The following GRIN2B variants were observed in gnomAD, a reference collection of about 807,000 sequenced individuals.
GRIN2B encodes the protein glutamate ionotropic receptor NMDA type subunit 2B.
In GRIN2B, 5 loss-of-function variants were observed where a neutral mutation model predicts 114.5. That is an observed-to-expected ratio of 0.04 (90% CI 0.02 to 0.09). GRIN2B has a LOEUF of 0.09. GRIN2B is among the 10% of genes least tolerant of loss of function. The pLI, the probability that GRIN2B is intolerant of heterozygous loss-of-function variation, is 1.00. For synonymous variants in GRIN2B, 787 were observed against 745.1 expected (o/e 1.06, Z -0.92); for missense variants, 1,108 against 1,943.5 (o/e 0.57, Z 8.08).
At chr12:13,863,465 T>A (rs1355544447) in intron 3 of GRIN2B, among the ~76,000 whole-genome samples, 1 of 152,236 alleles carries the variant, frequency 6.6e-6, no homozygotes. Context: ...CAACCAATGT[T>A]AAAATCCTGG....
intron 2 of GRIN2B, among the ~76,000 whole-genome samples, chr12:13,881,203 C>CT (rs549119273): frequency 2.0e-3 from 308 of 152,318 alleles, no homozygotes; most frequent in Non-Finnish European, 3.4e-3. Context: ...CCACTTGCCG[C>CT]TTTTTTTCTG....
chr12:13,977,042 A>G (rs764762369), intron 2 of GRIN2B, among the ~76,000 whole-genome samples: 32 of 152,200 alleles, frequency 2.1e-4, no homozygotes, highest in Admixed American at 5.9e-4. Flanking sequence ...AACCAAGAAC[A>G]CAAAATCAAG....
chr12:13,824,129 AG>A (rs1864988142), intron 3 of GRIN2B, among the ~76,000 whole-genome samples: 1 of 152,142 alleles, frequency 6.6e-6, no homozygotes, highest in African/African-American at 2.4e-5. Flanking sequence ...TGGTAGGAAA[AG>A]AATACTGATA....
At chr12:13,862,668 AC>A (rs1250467756) in intron 3 of GRIN2B, among the ~76,000 whole-genome samples, 2 of 152,196 alleles carry the variant, frequency 1.3e-5, no homozygotes, top group African/African-American at 2.4e-5. Context: ...TATTAAAAAA[AC>A]AAAACAAAAC....
intron 3 of GRIN2B, among the ~76,000 whole-genome samples, chr12:13,861,483 A>G (rs556068375): frequency 6.6e-6 from 1 of 152,364 alleles, no homozygotes; most frequent in South Asian, 2.1e-4. Context: ...CAATTATAAC[A>G]AGGCAAAATA....
At chr12:13,825,530 G>GTGTGTGTGTGTGTA (rs1302451300) in intron 3 of GRIN2B, among the ~76,000 whole-genome samples, 346 of 146,322 alleles carry the variant, frequency 2.4e-3, no homozygotes, top group Non-Finnish European at 3.7e-3. Flanking sequence ...GTGTGTGTGT[G>GTGTGTGTGTGTGTA]TGTATGATGG....
rs957733664 is a variant in GRIN2B, at chr12:13,563,658, G to A, written c.3580C>T (p.Pro1194Ser). ...GDKHGVVSGVPAPWEKNLTNV... is the reference protein window; with the variant it reads ...GDKHGVVSGVSAPWEKNLTNV... ...GTCAGGTTCTTCTCCCAAGGTGCAG[G>A]TACCCCGCTGACCACGCCGTGTTTG... The change falls in exon 14 of 14, where the codon CCT becomes TCT. Residue 1194 changes from proline to serine, a missense_variant. Pro to Ser is a moderately conservative substitution (Grantham distance 74). Around this residue, in one of 19 missense-constraint regions of GRIN2B, gnomAD observed 478 missense variants for 506.0 expected, o/e 0.94. Coordinates refer to ENST00000609686, the MANE Select transcript of GRIN2B (RefSeq NM_000834.5). The A allele has an allele frequency of 1.2e-6, 2 of 1,613,668 alleles. No homozygotes were observed. The highest frequency in any genetic ancestry group is 1.1e-5 in the South Asian group (1 of 91,078).
At chr12:13,704,154 CA>C (rs1950337908) in intron 4 of GRIN2B, among the ~76,000 whole-genome samples, 1 of 152,102 alleles carries the variant, frequency 6.6e-6, no homozygotes, top group Non-Finnish European at 1.5e-5. Context: ...TCAAAGTCAT[CA>C]ATTAGGAAAA....
At chr12:13,854,780 T>C (rs1865630777) in intron 3 of GRIN2B, among the ~76,000 whole-genome samples, 1 of 152,042 alleles carries the variant, frequency 6.6e-6, no homozygotes, top group African/African-American at 2.4e-5. Flanking sequence ...CTGTTGATGG[T>C]TTGTGTTTCT....
chr12:13,766,737 T>C (rs367895435), intron 3 of GRIN2B, among the ~76,000 whole-genome samples: 6 of 152,348 alleles, frequency 3.9e-5, no homozygotes, highest in East Asian at 3.9e-4. Context: ...GATTGCAAAT[T>C]GATTTTGTTA....
chr12:13,883,031 T>C (rs1019471478), intron 2 of GRIN2B, among the ~76,000 whole-genome samples: 3 of 152,220 alleles, frequency 2.0e-5, no homozygotes, highest in Non-Finnish European at 4.4e-5. Flanking sequence ...TGTCTGACTT[T>C]CTTCACCTGA....
Position 13,548,489 on chromosome 12 carries a change from C to G in GRIN2B, c.*14294G>C, listed in dbSNP as rs982409837. 8 of 151,992 alleles carry G rather than the reference C, an allele frequency of 5.3e-5. No homozygotes were observed. The East Asian group carries it at 1.4e-3, about 26-fold the overall frequency. 9.4% of individuals were successfully genotyped at this position (151,992 alleles called of 1,614,324 possible). ...CCTGCTATTTTCCCACCTCCCCCCC[C>G]CGATGAATATAGGTGTAGCAGAAGA... On this transcript the variant is annotated 3_prime_UTR_variant, in exon 14 of 14. Coordinates refer to ENST00000609686, the MANE Select transcript of GRIN2B (RefSeq NM_000834.5).
intron 10 of GRIN2B, among the ~76,000 whole-genome samples, chr12:13,587,072 T>C (rs1001253698): frequency 3.9e-5 from 6 of 152,106 alleles, no homozygotes; most frequent in Admixed American, 3.9e-4. Flanking sequence ...GAAGAGACAA[T>C]TAAATATTAT....
chr12:13,894,751 A>T (rs1591607767), intron 2 of GRIN2B, among the ~76,000 whole-genome samples: 1 of 152,194 alleles, frequency 6.6e-6, no homozygotes, highest in African/African-American at 2.4e-5. Context: ...AGAGAAACAG[A>T]TTAATGGAGA....
intron 12 of GRIN2B, among the ~76,000 whole-genome samples, chr12:13,569,362 T>C (rs1316519789): frequency 6.6e-6 from 1 of 152,166 alleles, no homozygotes; most frequent in Non-Finnish European, 1.5e-5. Context: ...TAATCTAATA[T>C]GACTGGCATT....
intron 10 of GRIN2B, among the ~76,000 whole-genome samples, chr12:13,606,979 A>G (rs1288285984): frequency 6.7e-6 from 1 of 150,338 alleles, no homozygotes; most frequent in African/African-American, 2.5e-5. Context: ...AGAGAAACAG[A>G]TAACACAAAG....
chr12:13,711,830 G>C (rs540307256), intron 4 of GRIN2B, among the ~76,000 whole-genome samples: 3,171 of 152,040 alleles, frequency 0.021, 120 homozygotes, highest in African/African-American at 0.072. Flanking sequence ...CGATTCCTCA[G>C]GGATCTAGAA....
At chr12:13,979,321 T>C (rs1863087491) in intron 2 of GRIN2B, among the ~76,000 whole-genome samples, 1 of 151,718 alleles carries the variant, frequency 6.6e-6, no homozygotes, top group South Asian at 2.1e-4. Context: ...GATCCCCACC[T>C]AGACCTACCC....
intron 3 of GRIN2B, among the ~76,000 whole-genome samples, chr12:13,803,720 A>T (rs978523736): frequency 6.6e-6 from 1 of 152,196 alleles, no homozygotes; most frequent in South Asian, 2.1e-4. Flanking sequence ...ATTTGAACAC[A>T]CAGCAAAATA....
Sources: gnomAD v4.1 joint callset for allele counts (sites outside exome capture counted in the v4.1 genomes callset) on GRCh38, gnomAD v4.1.1 for gene constraint, gnomAD v4.1.1 regional missense constraint, MANE v1.5 for transcripts, NCBI Gene and HGNC (gene_info 2026-07-23, HGNC 2026-07-21) for gene names.